ESYT3: variants seen among roughly 807,000 people sequenced by gnomAD.
ESYT3 encodes extended synaptotagmin-3.
A neutral mutation model predicts 111.5 loss-of-function variants in ESYT3; 101 were observed. The ratio of observed to expected loss-of-function variants is 0.91; its 90% CI spans 0.77 to 1.07. The LOEUF (loss-of-function observed/expected upper bound fraction) is 1.07, where lower values mean the gene tolerates loss of function less well. Ranked by LOEUF, ESYT3 falls within the 50% of genes least tolerant of loss-of-function variation. The probability of loss-of-function intolerance (pLI) is 0.00; values close to 1 mark genes in which losing one functional copy is unlikely to be tolerated. For missense variants in ESYT3, 1,097 were observed against 1,109.4 expected (o/e 0.99, Z 0.16); for synonymous variants, 416 against 446.8 (o/e 0.93, Z 0.87).
In ESYT3 at chr3:138,460,684, C is replaced by A. The variant is rs752295909; in HGVS notation, c.794+18C>A. 1 of 1,613,776 alleles carries A rather than the reference C, an allele frequency of 6.2e-7. No homozygotes were observed. The highest frequency in any genetic ancestry group is 1.3e-5 in the African/African-American group (1 of 75,040). On this transcript the variant is annotated intron_variant, in intron 7 of 22. Coordinates refer to ENST00000389567, the MANE Select transcript of ESYT3 (RefSeq NM_031913.5). ...GGAATCAAGTAGGTGCCTGGGAGAG[C>A]CTCGAGGGAGATCATAAGTTTGGGG...
rs1265535818 is a variant in ESYT3 at position 138,476,295 on chromosome 3, A to T, written c.2541A>T (p.Pro847=). Residue 847 remains proline, a synonymous_variant, in exon 21 of 23, where the codon CCA becomes CCT. Coordinates refer to ENST00000389567, the MANE Select transcript of ESYT3 (RefSeq NM_031913.5). Reference sequence around the variant, plus strand: ...ATGTTGCAGTGAAAAATAGTAGGCCACTTGGCTCACACAGAAGAAAGGAGT... The same window carrying T: ...ATGTTGCAGTGAAAAATAGTAGGCCTCTTGGCTCACACAGAAGAAAGGAGT... The part of the protein sequence containing the change: ...SLDVAVKNSR[P]LGSHRRKELG... 4 of 1,613,798 alleles carry T rather than the reference A, an allele frequency of 2.5e-6. No individual in the cohort carries two copies. The highest frequency in any genetic ancestry group is 2.5e-6 in the Non-Finnish European group (3 of 1,179,804).
intron 9 of ESYT3, 140 bp from the exon 10 acceptor site, chr3:138,465,199 T>G (rs919386290): frequency 3.3e-6 from 2 of 611,542 alleles, no homozygotes; most frequent in Non-Finnish European, 5.9e-6. Flanking sequence ...GGGGCTTCAC[T>G]CCCTTCTTAT....
At chr3:138,452,011 C>T (rs1298852092) in intron 1 of ESYT3, 37 bp from the exon 2 acceptor site, 16 of 1,612,368 alleles carry the variant, frequency 9.9e-6, no homozygotes, top group African/African-American at 2.7e-5. Context: ...GGGTGTGCGG[C>T]TTCTAGTCTA....
chr3:138,437,000 T>C (rs1187492338), intron 1 of ESYT3, among the ~76,000 whole-genome samples: 2 of 152,024 alleles, frequency 1.3e-5, no homozygotes, highest in African/African-American at 2.4e-5. Context: ...CTGGCCTCTG[T>C]TGGGGATACA....
chr3:138,445,494 C>A (rs2031478215), intron 1 of ESYT3, among the ~76,000 whole-genome samples: 1 of 152,248 alleles, frequency 6.6e-6, no homozygotes, highest in Admixed American at 6.5e-5. Flanking sequence ...GAAACACCAA[C>A]CGTGTTCCTC....
At chr3:138,467,800 A>T (rs1042829393) in intron 11 of ESYT3, among the ~76,000 whole-genome samples, 191 bp downstream of exon 11, 2 of 152,124 alleles carry the variant, frequency 1.3e-5, no homozygotes, top group African/African-American at 2.4e-5. Flanking sequence ...AGCTGGAAGA[A>T]GTTTCCCTGG....
rs1476499231 is a variant in ESYT3 at position 138,460,051 on chromosome 3, G to C, written c.738+17G>C. The C allele has an allele frequency of 3.7e-6, 6 of 1,611,398 alleles. No individual in the cohort carries two copies. Among genetic ancestry groups the C allele is most frequent in the Non-Finnish European group, 5.1e-6 (6 of 1,177,574 alleles). On this transcript the variant is annotated intron_variant, in intron 6 of 22. Coordinates refer to ENST00000389567, the MANE Select transcript of ESYT3 (RefSeq NM_031913.5). ...CAGAAGCCGGTGAGTCCCAAGGACT[G>C]CGGTAAGCCTGCTGCTCCCTGGGAG...
rs2033379269 is a variant in ESYT3, at chr3:138,474,229, C to G, written c.2345C>G (p.Thr782Arg). 6.4e-7 allele frequency: 1 copy of G among 1,566,372 alleles called. No individual in the cohort carries two copies. The highest frequency in any genetic ancestry group is 8.7e-7 in the Non-Finnish European group (1 of 1,152,990). ...SVLINGCRNL[T>R]PCTSSGADPY... ...CTTTGACACCAAATCAGAAACCTAACACCATGTACCAGCAGTGGAGCTGAT... is the reference window on the plus strand; with the variant it reads ...CTTTGACACCAAATCAGAAACCTAAGACCATGTACCAGCAGTGGAGCTGAT... The change falls in exon 20 of 23, where the codon ACA becomes AGA. Residue 782 changes from threonine (T) to arginine (R), a missense_variant. Physicochemically the swap from Thr to Arg is moderately conservative, Grantham distance 71. Coordinates refer to ENST00000389567, the MANE Select transcript of ESYT3 (RefSeq NM_031913.5).
intron 1 of ESYT3, among the ~76,000 whole-genome samples, chr3:138,445,744 G>A (rs760104680): frequency 3.3e-5 from 5 of 152,150 alleles, no homozygotes; most frequent in Non-Finnish European, 7.3e-5. Flanking sequence ...CTTCCAGAAC[G>A]CTTATTCTGA....
At chr3:138,439,765 T>C (rs9843291) in intron 1 of ESYT3, among the ~76,000 whole-genome samples, 6,293 of 152,248 alleles carry the variant, frequency 0.041, 169 homozygotes, top group South Asian at 0.076. Context: ...GAGCCGGTAG[T>C]AGGAAAATAG....
intron 14 of ESYT3, 65 bp from the exon 15 acceptor site, chr3:138,469,371 G>A: frequency 7.0e-7 from 1 of 1,428,400 alleles, no homozygotes. Flanking sequence ...GGGGTTGGGG[G>A]TAGGACTGTC....
At chr3:138,474,406 A>G in intron 20 of ESYT3, 54 bp downstream of exon 20, 2 of 1,526,928 alleles carry the variant, frequency 1.3e-6, no homozygotes, top group Non-Finnish European at 1.7e-6. Flanking sequence ...GTATTTTCCA[A>G]GTACCTGTTA....
intron 10 of ESYT3, among the ~76,000 whole-genome samples, chr3:138,466,482 A>G (rs1026304838): frequency 7.2e-5 from 11 of 152,152 alleles, no homozygotes; most frequent in African/African-American, 2.4e-5. Context: ...AACAGTTGCA[A>G]TTTTTGTAAT....
chr3:138,441,683 C>T (rs2108592845), intron 1 of ESYT3, among the ~76,000 whole-genome samples: 1 of 152,322 alleles, frequency 6.6e-6, no homozygotes, highest in Non-Finnish European at 1.5e-5. Flanking sequence ...TCTCTGGGAA[C>T]CTGGAGCTTG....
intron 8 of ESYT3, among the ~76,000 whole-genome samples, chr3:138,463,222 G>C (rs2032746067): frequency 6.6e-6 from 1 of 152,070 alleles, no homozygotes; most frequent in African/African-American, 2.4e-5. Context: ...AGCCTTCTGA[G>C]TAGCTGGGAC....
In ESYT3 at chr3:138,479,364, G is replaced by T. The variant is rs2033624139; in HGVS notation, c.*2510G>T. The T allele has an allele frequency of 6.6e-6, 1 of 152,190 alleles. No individual in the cohort carries two copies. Among genetic ancestry groups the T allele is most frequent in the South Asian group, 2.1e-4 (1 of 4,824 alleles). The allele number at this position is 152,190 out of a possible 1,614,324, so 9.4% of individuals were successfully genotyped here. A position where few individuals can be genotyped will look rare whatever the true frequency, so the allele number is the denominator to read the frequency against. On this transcript the variant is annotated 3_prime_UTR_variant, in exon 23 of 23. Coordinates refer to ENST00000389567, the MANE Select transcript of ESYT3 (RefSeq NM_031913.5). Reference sequence around the variant, plus strand: ...CTAACAACTAAGAAGGGGCAGCTAGGCTGATTAAGAAAGTAAGTATTCAAG... The same window carrying T: ...CTAACAACTAAGAAGGGGCAGCTAGTCTGATTAAGAAAGTAAGTATTCAAG...
At chr3:138,442,598 A>G (rs1052615882) in intron 1 of ESYT3, among the ~76,000 whole-genome samples, 10 of 152,182 alleles carry the variant, frequency 6.6e-5, no homozygotes, top group Admixed American at 6.5e-5. Context: ...GGCCCTGAGC[A>G]TGTGTCTGTC....
At chr3:138,460,572 A>C in intron 6 of ESYT3, 39 bp from the exon 7 acceptor site, 1 of 1,612,326 alleles carries the variant, frequency 6.2e-7, no homozygotes, top group Non-Finnish European at 8.5e-7. Context: ...CTGGGCTCCC[A>C]ACCCTTTCCA....
rs1227131207 is a variant in ESYT3, at chr3:138,465,342, A to T, written c.1090A>T (p.Met364Leu). The T allele has an allele frequency of 1.9e-6, 3 of 1,588,476 alleles. No homozygotes were observed. The highest frequency in any genetic ancestry group is 2.6e-6 in the Non-Finnish European group (3 of 1,167,056). ...AGACACCTCTTTTTCCTTCCAGTTC[A>T]TGGTGTACGAAGTCCCTGGACAGGA... ...NPTWNEVFEFMVYEVPGQDLE... is the reference protein window; with the variant it reads ...NPTWNEVFEFLVYEVPGQDLE... The change falls in exon 10 of 23, where the codon ATG becomes TTG. Residue 364 changes from methionine to leucine, a missense_variant. Coordinates refer to ENST00000389567, the MANE Select transcript of ESYT3 (RefSeq NM_031913.5).
Sources: allele counts gnomAD v4.1 joint callset (sites outside exome capture counted in the v4.1 genomes callset), GRCh38; gene constraint gnomAD v4.1.1; transcripts MANE v1.5; gene names NCBI Gene and HGNC (gene_info 2026-07-23, HGNC 2026-07-21).